NPAS3: variants seen among roughly 807,000 people sequenced by gnomAD.
NPAS3 encodes the protein neuronal PAS domain protein 3.
A neutral mutation model predicts 73.1 loss-of-function variants in NPAS3; 14 were observed. That is an observed-to-expected ratio of 0.19 (90% CI 0.13 to 0.30). The LOEUF (loss-of-function observed/expected upper bound fraction) is 0.30, where lower values mean the gene tolerates loss of function less well. Among genes scored for constraint, NPAS3 ranks in the 10% least tolerant of loss-of-function variants. The probability of loss-of-function intolerance (pLI) is 1.00; values close to 1 mark genes in which losing one functional copy is unlikely to be tolerated. For synonymous variants in NPAS3, 620 were observed against 541.5 expected, an observed-to-expected ratio of 1.14 and a Z score of -2.01; for missense variants, 1,096 against 1,250.0, an observed-to-expected ratio of 0.88 and a Z score of 1.86.
chr14:32,938,486 T>TGAGAGAGAGAGAGAAATTGA (rs1566779333), upstream of NPAS3, among the ~76,000 whole-genome samples: 6 of 55,906 alleles, frequency 1.1e-4, no homozygotes, highest in African/African-American at 2.7e-4. Context: ...AGAGAGAAAT[T>TGAGAGAGAGAGAGAAATTGA]GAGAGAGAGA....
At chr14:33,728,525 G>A (rs1035780338) in intron 6 of NPAS3, among the ~76,000 whole-genome samples, 1 of 152,172 alleles carries the variant, frequency 6.6e-6, no homozygotes, top group Non-Finnish European at 1.5e-5. Flanking sequence ...AGCTGATAAA[G>A]TCTGACTGCT....
chr14:33,228,829 G>A (rs2047736384), intron 3 of NPAS3, among the ~76,000 whole-genome samples: 1 of 152,128 alleles, frequency 6.6e-6, no homozygotes, highest in African/African-American at 2.4e-5. Flanking sequence ...AACGCGAAAG[G>A]AGAAAAAGAC....
chr14:33,415,406 C>G (rs1418849140), intron 4 of NPAS3, among the ~76,000 whole-genome samples: 3 of 152,100 alleles, frequency 2.0e-5, no homozygotes, highest in African/African-American at 7.2e-5. Flanking sequence ...GTCTGTCCTT[C>G]TATCCATATC....
chr14:33,509,149 G>A (rs1429513162), intron 4 of NPAS3, among the ~76,000 whole-genome samples: 1 of 151,476 alleles, frequency 6.6e-6, no homozygotes, highest in African/African-American at 2.4e-5. Context: ...TATGATTTCT[G>A]TTGTTATAAT....
intron 5 of NPAS3, among the ~76,000 whole-genome samples, chr14:33,672,449 A>G (rs2059637438): frequency 6.6e-6 from 1 of 152,218 alleles, no homozygotes; most frequent in Non-Finnish European, 1.5e-5. Flanking sequence ...CCTACTAAAC[A>G]TAATAGACTA....
At chr14:33,385,494 T>C (rs2046739049) in intron 4 of NPAS3, among the ~76,000 whole-genome samples, 1 of 152,134 alleles carries the variant, frequency 6.6e-6, no homozygotes, top group Non-Finnish European at 1.5e-5. Flanking sequence ...ACAGCACCAG[T>C]AGTTTTTGTT....
At chr14:33,288,758 A>G (rs10151538) in intron 3 of NPAS3, among the ~76,000 whole-genome samples, 165 of 152,174 alleles carry the variant, frequency 1.1e-3, no homozygotes, top group African/African-American at 3.5e-3. Flanking sequence ...TGCTTATTAC[A>G]TTTACTTTTC....
intron 4 of NPAS3, among the ~76,000 whole-genome samples, chr14:33,529,773 G>A (rs2140166303): frequency 6.6e-6 from 1 of 151,486 alleles, no homozygotes; most frequent in African/African-American, 2.4e-5. Flanking sequence ...AGAAAACAAA[G>A]ACCATGTCAA....
intron 6 of NPAS3, among the ~76,000 whole-genome samples, chr14:33,706,308 C>T (rs1003298091): frequency 5.3e-5 from 8 of 152,194 alleles, no homozygotes; most frequent in Non-Finnish European, 1.0e-4. Flanking sequence ...TGGGTGTTCA[C>T]CACATGCCAA....
intron 5 of NPAS3, among the ~76,000 whole-genome samples, chr14:33,666,113 A>G (rs1268145150): frequency 2.0e-5 from 3 of 152,176 alleles, no homozygotes; most frequent in Non-Finnish European, 2.9e-5. Context: ...AAGGAAGGGG[A>G]AAACGGTTAA....
chr14:33,198,256 C>T (rs1451957130), intron 2 of NPAS3, among the ~76,000 whole-genome samples: 1 of 151,818 alleles, frequency 6.6e-6, no homozygotes, highest in East Asian at 2.0e-4. Flanking sequence ...GGGACCCAAG[C>T]AGTTTGCCCC....
chr14:33,292,823 C>A (rs2042154278), intron 3 of NPAS3, among the ~76,000 whole-genome samples: 1 of 152,024 alleles, frequency 6.6e-6, no homozygotes, highest in Admixed American at 6.6e-5. Flanking sequence ...CCCATGTATT[C>A]TTGTGGAATG....
intron 6 of NPAS3, among the ~76,000 whole-genome samples, chr14:33,684,358 C>T (rs1338475291): frequency 1.3e-5 from 2 of 151,898 alleles, no homozygotes; most frequent in East Asian, 3.9e-4. Context: ...GTCGCCCAGG[C>T]TGGAGTGCAG....
intron 2 of NPAS3, among the ~76,000 whole-genome samples, chr14:33,110,227 T>G (rs919914228): frequency 1.3e-5 from 2 of 152,174 alleles, no homozygotes; most frequent in Non-Finnish European, 2.9e-5. Context: ...CTGTACATGT[T>G]TACATATGAC....
intron 2 of NPAS3, among the ~76,000 whole-genome samples, chr14:33,085,342 G>C (rs2041988178): frequency 6.6e-6 from 1 of 152,146 alleles, no homozygotes; most frequent in Non-Finnish European, 1.5e-5. Flanking sequence ...CCTGGAAGAG[G>C]GTTTGAGGAG....
chr14:33,567,670 C>T (rs4619305), intron 5 of NPAS3, among the ~76,000 whole-genome samples: 129,311 of 152,260 alleles, frequency 0.85, 55,172 homozygotes, highest in East Asian at 0.91. Context: ...GGCTGTCACT[C>T]TATGCTTAGC....
chr14:33,622,410 A>G (rs1458338059), intron 5 of NPAS3, among the ~76,000 whole-genome samples: 1 of 152,174 alleles, frequency 6.6e-6, no homozygotes, highest in Admixed American at 6.6e-5. Context: ...TAGTCCCTTG[A>G]TAATTCAGGC....
At chr14:33,720,370 G>A (rs1433098520) in intron 6 of NPAS3, among the ~76,000 whole-genome samples, 2 of 152,150 alleles carry the variant, frequency 1.3e-5, no homozygotes, top group Non-Finnish European at 2.9e-5. Context: ...CTCATTAAGG[G>A]AAGGTTTGTT....
At chr14:33,713,171 G>A (rs1400938528) in intron 6 of NPAS3, among the ~76,000 whole-genome samples, 1 of 152,130 alleles carries the variant, frequency 6.6e-6, no homozygotes, top group Non-Finnish European at 1.5e-5. Context: ...GTTCAATTCT[G>A]TTATCAACTC....
Sources: allele counts gnomAD v4.1 joint callset (sites outside exome capture counted in the v4.1 genomes callset), GRCh38; gene constraint gnomAD v4.1.1; transcripts MANE v1.5; gene names NCBI Gene and HGNC (gene_info 2026-07-23, HGNC 2026-07-21).